The following GRIN1 variants were observed in gnomAD, a reference collection of about 807,000 sequenced individuals.
GRIN1 encodes the protein glutamate receptor ionotropic, NMDA 1.
In GRIN1, 38 loss-of-function variants were observed where a neutral mutation model predicts 103.0. The observed-to-expected ratio is 0.37, with a 90% CI of 0.28 to 0.48. The LOEUF (loss-of-function observed/expected upper bound fraction) is 0.48, where lower values mean the gene tolerates loss of function less well. Among genes scored for constraint, GRIN1 ranks in the 20% least tolerant of loss-of-function variants. The probability of loss-of-function intolerance (pLI) is 0.98; values close to 1 mark genes in which losing one functional copy is unlikely to be tolerated. For missense variants in GRIN1, 577 were observed against 1,288.9 expected, an observed-to-expected ratio of 0.45 and a Z score of 8.46; for synonymous variants, 544 against 532.7, an observed-to-expected ratio of 1.02 and a Z score of -0.29.
intron 8 of GRIN1, 26 bp downstream of exon 8, chr9:137,158,730 G>A (rs1286201665): frequency 6.5e-7 from 1 of 1,543,108 alleles, no homozygotes; most frequent in East Asian, 2.2e-5. Context: ...ACCTCCCTCA[G>A]TGTCCCCACC....
At position 137,163,346 on chromosome 9, in the gene GRIN1, C is replaced by T. The variant is rs1227292627; in HGVS notation, c.2333+16C>T. The T allele has an allele frequency of 4.3e-6, 7 of 1,612,876 alleles. No homozygotes were observed. The highest frequency in any genetic ancestry group is 5.9e-6 in the Non-Finnish European group (7 of 1,179,692). Reference sequence around the variant, plus strand: ...CCATCCTCAAGTGAGTGTCCGTGCGCCCGCGTCCCTCCTCCGCCCCTCTCC... The same window carrying T: ...CCATCCTCAAGTGAGTGTCCGTGCGTCCGCGTCCCTCCTCCGCCCCTCTCC... On this transcript the variant is annotated intron_variant, in intron 16 of 19. Coordinates refer to ENST00000371561, the MANE Select transcript of GRIN1 (RefSeq NM_007327.4).
At chr9:137,142,256 A>C in intron 2 of GRIN1, 109 bp downstream of exon 2, 2 of 1,018,570 alleles carry the variant, frequency 2.0e-6, no homozygotes, top group Non-Finnish European at 3.1e-6. Context: ...CACACCACAA[A>C]CAGCCACACA....
chr9:137,167,782 T>C lies in GRIN1; in HGVS notation c.*255T>C. ...GTATTTCTATTTTGCAGCAGTACCATCCCACTGATATCACGGGCCCGCTCA... is the reference window on the plus strand; with the variant it reads ...GTATTTCTATTTTGCAGCAGTACCACCCCACTGATATCACGGGCCCGCTCA... On this transcript the variant is annotated 3_prime_UTR_variant, in exon 20 of 20. Transcript: ENST00000371561. 1.2e-6 allele frequency: 2 copies of C among 1,612,062 alleles called. No homozygotes were observed. The highest frequency in any genetic ancestry group is 1.7e-6 in the Non-Finnish European group (2 of 1,179,528).
Position 137,168,709 on chromosome 9 carries a change from C to T in GRIN1, c.*1182C>T. ...GGGTGCAGGCGCGCACCGCCCAACC[C>T]CCACCTCCCGGTGTATGCAGTGGTG... On this transcript the variant is annotated 3_prime_UTR_variant, in exon 20 of 20. Transcript: ENST00000371561. The T allele has an allele frequency of 8.1e-6, 5 of 615,420 alleles. No individual in the cohort carries two copies. The highest frequency in any genetic ancestry group is 1.1e-5 in the Non-Finnish European group (5 of 436,816). 38.1% of individuals were successfully genotyped at this position (615,420 alleles called of 1,614,324 possible).
chr9:137,154,960 A>G (rs1833135253), intron 4 of GRIN1, among the ~76,000 whole-genome samples: 1 of 152,156 alleles, frequency 6.6e-6, no homozygotes, highest in African/African-American at 2.4e-5. Context: ...AGCCTGTCAT[A>G]TTTTGGCTCC....
chr9:137,165,197 T>A lies in GRIN1; in HGVS notation c.2601T>A (p.Ser867Arg). 6.2e-7 allele frequency: 1 copy of A among 1,605,306 alleles called. No homozygotes were observed. Residue 867 changes from serine to arginine, a missense_variant, in exon 19 of 20, where the codon AGT becomes AGA. Physicochemically the swap from Ser to Arg is moderately radical, Grantham distance 110. Transcript: ENST00000371561. ...CATATTCATTTTAGGATAGAAAGAG[T>A]GGTAGAGCAGAGCCTGACCCTAAAA... ...VWRKNLQDRK[S>R]GRAEPDPKKK...
intron 11 of GRIN1, 28 bp downstream of exon 11, chr9:137,162,116 C>T: frequency 1.7e-5 from 7 of 419,696 alleles, no homozygotes; most frequent in Non-Finnish European, 3.1e-5. Context: ...GGCGGGGTGG[C>T]GGCGGGGGGA....
In GRIN1 at chr9:137,162,304, G is replaced by T; in HGVS notation, c.1751+14G>T. 6.5e-7 allele frequency: 1 copy of T among 1,546,944 alleles called. No homozygotes were observed. Among genetic ancestry groups the T allele is most frequent in the African/African-American group, 1.4e-5 (1 of 73,860 alleles). On this transcript the variant is annotated intron_variant, in intron 12 of 19. Coordinates refer to ENST00000371561, the MANE Select transcript of GRIN1 (RefSeq NM_007327.4). Reference sequence around the variant, plus strand: ...GGACCGCTTCAGGTGAGCGCGACCCGGGGCTCAGACACCTCCATCTGCGGG... The same window carrying T: ...GGACCGCTTCAGGTGAGCGCGACCCTGGGCTCAGACACCTCCATCTGCGGG...
chr9:137,154,625 T>G (rs948445953), intron 4 of GRIN1, among the ~76,000 whole-genome samples: 6 of 151,686 alleles, frequency 4.0e-5, no homozygotes, highest in Non-Finnish European at 5.9e-5. Flanking sequence ...GCTAATTTTT[T>G]TGTTTTTGTA....
intron 4 of GRIN1, among the ~76,000 whole-genome samples, chr9:137,154,096 G>A (rs1833074899): frequency 6.7e-6 from 1 of 150,012 alleles, no homozygotes; most frequent in African/African-American, 2.5e-5. Context: ...ACAGGCATGA[G>A]CCACCGTGCC....
intron 1 of GRIN1, among the ~76,000 whole-genome samples, chr9:137,140,083 T>C (rs2301364): frequency 0.15 from 23,165 of 152,132 alleles, 1,998 homozygotes; most frequent in South Asian, 0.31. Flanking sequence ...CCTGTCCAGC[T>C]ACATGCCCGC....
intron 6 of GRIN1, 148 bp from the exon 7 acceptor site, chr9:137,158,231 G>C: frequency 1.2e-6 from 1 of 862,730 alleles, no homozygotes. Flanking sequence ...CTGGGACAAG[G>C]GAAAAGCCCA....
intron 2 of GRIN1, among the ~76,000 whole-genome samples, chr9:137,144,072 C>A (rs1832323220): frequency 6.6e-6 from 1 of 152,238 alleles, no homozygotes; most frequent in Non-Finnish European, 1.5e-5. Context: ...ACTCTATGGG[C>A]AGCCCCAGGG....
At chr9:137,162,819 C>T in intron 14 of GRIN1, 27 bp from the exon 15 acceptor site, 2 of 1,610,438 alleles carry the variant, frequency 1.2e-6, no homozygotes, top group Non-Finnish European at 1.7e-6. Context: ...GAGCCGCCGC[C>T]GCGATCCCTG....
At chr9:137,151,707 C>A (rs1832925893) in intron 4 of GRIN1, among the ~76,000 whole-genome samples, 1 of 152,192 alleles carries the variant, frequency 6.6e-6, no homozygotes, top group South Asian at 2.1e-4. Context: ...GCTTTGTCAC[C>A]CAGGCTGGAG....
At chr9:137,163,357 C>T (rs778362866) in intron 16 of GRIN1, 27 bp downstream of exon 16, 13 of 1,611,854 alleles carry the variant, frequency 8.1e-6, no homozygotes, top group Non-Finnish European at 1.1e-5. Context: ...CCGCGTCCCT[C>T]CTCCGCCCCT....
rs558391930 is a variant in GRIN1, at chr9:137,159,484, T to C, written c.1197+780T>C. ...CTCCCCTGCTCTGCACCGGCCCCTG[T>C]GGCCTCTCACCCAAGCTCCCTTCCC... On this transcript the variant is annotated intron_variant, in intron 8 of 19. Coordinates refer to ENST00000371561, the MANE Select transcript of GRIN1 (RefSeq NM_007327.4). Among the ~76,000 whole-genome samples, 42 of 152,304 alleles carry C rather than the reference T, an allele frequency of 2.8e-4. No individual in the cohort carries two copies. In the East Asian group the frequency reaches 7.9e-3, roughly 29 times the overall value.
chr9:137,163,850 G>A lies in GRIN1; in HGVS notation c.2535G>A (p.Arg845=), dbSNP rs1325040501. The A allele has an allele frequency of 6.2e-7, 1 of 1,613,112 alleles. No individual in the cohort carries two copies. Among genetic ancestry groups the A allele is most frequent in the Non-Finnish European group, 8.5e-7 (1 of 1,179,994 alleles). ...ACAAGCGGCACAAGGATGCTCGCCG[G>A]AAGCAGATGCAGCTGGCCTTTGCCG... The part of the protein sequence containing the change: ...IAYKRHKDAR[R]KQMQLAFAAV... The change falls in exon 18 of 20, where the codon CGG becomes CGA. Residue 845 remains arginine (R), a synonymous_variant. Transcript: ENST00000371561.
chr9:137,150,844 G>T (rs1325339764), intron 4 of GRIN1, among the ~76,000 whole-genome samples: 1 of 109,156 alleles, frequency 9.2e-6, no homozygotes, highest in East Asian at 3.1e-4. Context: ...GAAAAGCTCT[G>T]GCCAGATAAA....
Sources: gnomAD v4.1 joint callset for allele counts (sites outside exome capture counted in the v4.1 genomes callset) on GRCh38, gnomAD v4.1.1 for gene constraint, MANE v1.5 for transcripts, NCBI Gene and HGNC (gene_info 2026-07-23, HGNC 2026-07-21) for gene names.